The following KLHL13 variants were observed in gnomAD, a reference collection of about 807,000 sequenced individuals.
KLHL13 encodes the protein kelch like family member 13, also known as kelch-like protein 13.
Under a neutral mutation model 37.1 loss-of-function variants are expected in KLHL13, and 10 were observed. The observed-to-expected ratio is 0.27, with a 90% confidence interval of 0.17 to 0.46. The LOEUF (loss-of-function observed/expected upper bound fraction) is 0.46, where lower values mean the gene tolerates loss of function less well. KLHL13 is among the 20% of genes least tolerant of loss of function. KLHL13 has a pLI of 1.00. For synonymous variants in KLHL13, 163 were observed against 181.2 expected, an observed-to-expected ratio of 0.90 and a Z score of 0.81; for missense variants, 360 against 509.3, an observed-to-expected ratio of 0.71 and a Z score of 2.82.
At chrX:118,068,066 T>C (rs967365553) in intron 1 of KLHL13, among the ~76,000 whole-genome samples, 10 of 111,864 alleles carry the variant, frequency 8.9e-5, no homozygotes, top group African/African-American at 3.3e-4. Flanking sequence ...AGGAGGGATC[T>C]GACTTCACTA....
chrX:118,012,468 C>A, intron 1 of KLHL13, among the ~76,000 whole-genome samples: 1 of 110,523 alleles, frequency 9.0e-6, no homozygotes, highest in Non-Finnish European at 1.9e-5. Context: ...ATCACTCCAA[C>A]CTCTGGACCC....
At chrX:117,914,293 C>T (rs1273933110) in intron 4 of KLHL13, 1 of 105,482 alleles carries the variant, frequency 9.5e-6, no homozygotes, top group Non-Finnish European at 1.9e-5. Context: ...ACAAAGAAAT[C>T]TGTAACTGGT....
rs373043370 is a variant in KLHL13 at position 117,901,951 on chromosome X, T to TA, written c.1367-6dup. On this transcript the variant is annotated splice_polypyrimidine_tract_variant and splice_region_variant and intron_variant, in intron 5 of 6. Coordinates refer to ENST00000262820, the Ensembl canonical transcript of KLHL13. ...GATTGTAACATTCTACTGTGGCTGT[T>TA]AAAAAAAAAAAGAAAAGAAAATTAT... 14,965 of 786,420 alleles carry TA rather than the reference T, an allele frequency of 0.019. 3 individuals carry two copies. Among genetic ancestry groups the TA allele is most frequent in the African/African-American group, 0.022 (980 of 43,691 alleles). 64.8% of individuals were successfully genotyped at this position (786,420 alleles called of 1,213,427 possible). A position where few individuals can be genotyped will look rare whatever the true frequency, so the allele number is the denominator to read the frequency against.
At chrX:118,022,609 T>G (rs2054230070) in intron 1 of KLHL13, among the ~76,000 whole-genome samples, 1 of 112,256 alleles carries the variant, frequency 8.9e-6, no homozygotes, top group Admixed American at 9.5e-5. Context: ...CCTTTTTATA[T>G]GCCTGTTGGC....
intron 1 of KLHL13, among the ~76,000 whole-genome samples, chrX:118,114,387 G>A (rs909647335): frequency 8.9e-6 from 1 of 112,249 alleles, no homozygotes; most frequent in South Asian, 3.7e-4. Flanking sequence ...TGAAGATTCA[G>A]AGCAAAATGC....
chrX:117,979,019 C>T (rs2053628629), intron 1 of KLHL13, among the ~76,000 whole-genome samples: 1 of 111,102 alleles, frequency 9.0e-6, no homozygotes, highest in Non-Finnish European at 1.9e-5. Flanking sequence ...CAACTTCCGC[C>T]TCCCAGGTTC....
chrX:118,000,252 A>T (rs2053904538), intron 1 of KLHL13, among the ~76,000 whole-genome samples: 1 of 111,969 alleles, frequency 8.9e-6, no homozygotes. Flanking sequence ...CATCCCTATC[A>T]CAGAATCCTA....
intron 1 of KLHL13, among the ~76,000 whole-genome samples, chrX:117,972,380 C>T (rs1292802387): frequency 8.9e-6 from 1 of 112,172 alleles, no homozygotes; most frequent in Non-Finnish European, 1.9e-5. Context: ...ATTTTTAATG[C>T]CATTACACAA....
At chrX:117,967,930 A>G (rs2053463821) in intron 1 of KLHL13, among the ~76,000 whole-genome samples, 1 of 111,485 alleles carries the variant, frequency 9.0e-6, no homozygotes, top group East Asian at 2.8e-4. Context: ...GACAGTGTGA[A>G]TCCTATAATT....
At chrX:118,101,074 G>T (rs2055282520) in intron 1 of KLHL13, among the ~76,000 whole-genome samples, 1 of 111,564 alleles carries the variant, frequency 9.0e-6, no homozygotes, top group South Asian at 3.8e-4. Context: ...AGAAGGGTTG[G>T]ATTAAATGAT....
At chrX:118,006,372 CA>C (rs113553426) in intron 1 of KLHL13, among the ~76,000 whole-genome samples, 98 of 99,228 alleles carry the variant, frequency 9.9e-4, no homozygotes, top group African/African-American at 1.5e-3. Flanking sequence ...TTAATTGTGC[CA>C]AAAAAAAAAA....
chrX:117,912,268 G>A (rs1420605272), intron 4 of KLHL13, among the ~76,000 whole-genome samples: 2 of 111,468 alleles, frequency 1.8e-5, no homozygotes, highest in Non-Finnish European at 3.8e-5. Flanking sequence ...TAATTCCCAA[G>A]TATGCAAATT....
At chrX:117,927,950 A>G (rs1932175195) in intron 2 of KLHL13, among the ~76,000 whole-genome samples, 1 of 112,009 alleles carries the variant, frequency 8.9e-6, no homozygotes, top group African/African-American at 3.2e-5. Context: ...AAAAGTATGT[A>G]CTAATAAAAA....
chrX:117,909,418 G>C, exon 5 of KLHL13: 1 of 1,210,837 alleles, frequency 8.3e-7, no homozygotes, highest in Non-Finnish European at 1.1e-6. Flanking sequence ...TTATTGTATC[G>C]AGGATCAAAT....
chrX:117,939,735 T>C (rs1373265146), intron 2 of KLHL13, among the ~76,000 whole-genome samples: 1 of 112,136 alleles, frequency 8.9e-6, no homozygotes, highest in Non-Finnish European at 1.9e-5. Flanking sequence ...CACATAAATG[T>C]GTTCTTTTGA....
chrX:118,000,628 C>T (rs1035416135), intron 1 of KLHL13, among the ~76,000 whole-genome samples: 1 of 111,838 alleles, frequency 8.9e-6, no homozygotes, highest in Non-Finnish European at 1.9e-5. Context: ...AAGGCAACCC[C>T]TTATCCACAA....
Position 117,908,394 on chromosome X carries a change from G to A in KLHL13, c.1366+907C>T, listed in dbSNP as rs181331822. ...TTCTCCTAATGCTATCCCTCCCCTAGCCCCCCAACCCCAGACAGGCCCTGG... is the reference window on the plus strand; with the variant it reads ...TTCTCCTAATGCTATCCCTCCCCTAACCCCCCAACCCCAGACAGGCCCTGG... On this transcript the variant is annotated intron_variant, in intron 5 of 6. Transcript: ENST00000262820. 2.4e-4 allele frequency among the ~76,000 whole-genome samples: 26 copies of A among 107,953 alleles called. No individual in the cohort carries two copies. The East Asian group carries it at 4.1e-3, about 17-fold the overall frequency. 93.7% of individuals were successfully genotyped at this position (107,953 alleles called of 115,157 possible). A position where few individuals can be genotyped will look rare whatever the true frequency, so the allele number is the denominator to read the frequency against.
At chrX:118,003,347 T>C (rs1189252856) in intron 1 of KLHL13, among the ~76,000 whole-genome samples, 1 of 108,794 alleles carries the variant, frequency 9.2e-6, no homozygotes, top group East Asian at 2.8e-4. Flanking sequence ...AGATCCTGTC[T>C]CATTTTTTTT....
chrX:117,909,435 A>G (rs1313051681), exon 5 of KLHL13: 10 of 1,211,174 alleles, frequency 8.3e-6, no homozygotes, highest in Non-Finnish European at 1.1e-5. Flanking sequence ...AAATCTGAAG[A>G]CTGTATCAAC....
Sources: allele counts gnomAD v4.1 joint callset (sites outside exome capture counted in the v4.1 genomes callset), GRCh38; gene constraint gnomAD v4.1.1; transcripts MANE v1.5; gene names NCBI Gene and HGNC (gene_info 2026-07-23, HGNC 2026-07-21).